Variants in OR8J1 observed in about 807,000 individuals in gnomAD.
The protein encoded by OR8J1 is olfactory receptor 8J1.
For synonymous variants in OR8J1, 157 were observed against 144.3 expected (o/e 1.09, Z -0.63); for missense variants, 400 against 373.0 (o/e 1.07, Z -0.60).
At chr11:56,355,019 C>A (rs1474819838) in intron 1 of OR8J1, among the ~76,000 whole-genome samples, 16 of 152,012 alleles carry the variant, frequency 1.1e-4, no homozygotes, top group African/African-American at 3.9e-4. Context: ...ACTATCCAAC[C>A]CTAGATTCCT....
Position 56,357,324 on chromosome 11 carries a change from G to A in OR8J1, c.-20-2903G>A, listed in dbSNP as rs548153025. 2.1e-3 allele frequency: 1,247 copies of A among 592,476 alleles called. 8 individuals are homozygous for A. Among genetic ancestry groups the A allele is most frequent in the Non-Finnish European group, 1.1e-3 (376 of 327,394 alleles). 36.7% of individuals were successfully genotyped at this position (592,476 alleles called of 1,614,324 possible). A position where few individuals can be genotyped will look rare whatever the true frequency, so the allele number is the denominator to read the frequency against. ...GATGCGGGCCTCTCTTCAGCAGGAC[G>A]GAGTTTGTTAAAGTTGTTAAGAGTA... On this transcript the variant is annotated intron_variant, in intron 1 of 1. Coordinates refer to ENST00000533152, the MANE Select transcript of OR8J1 (RefSeq NM_001005205.3).
chr11:56,354,814 A>T (rs894835333), intron 1 of OR8J1, among the ~76,000 whole-genome samples: 2 of 152,210 alleles, frequency 1.3e-5, no homozygotes, highest in African/African-American at 4.8e-5. Context: ...AAGCAAATAT[A>T]TATAGAAGCA....
In OR8J1 at chr11:56,360,657, T is replaced by C. The variant is rs769850980; in HGVS notation, c.411T>C (p.Ser137=). ...CTCTGCTGTACATGGTGGTGGTGTCTCGGCGGCTCTGCCTCCTGCTGGTCT... is the reference window on the plus strand; with the variant it reads ...CTCTGCTGTACATGGTGGTGGTGTCCCGGCGGCTCTGCCTCCTGCTGGTCT... ...CNPLLYMVVV[S]RRLCLLLVSL... Residue 137 remains serine, a synonymous_variant, in exon 2 of 2, where the codon TCT becomes TCC. Coordinates refer to ENST00000533152, the MANE Select transcript of OR8J1 (RefSeq NM_001005205.3). The C allele has an allele frequency of 6.2e-7, 1 of 1,611,342 alleles. No homozygotes were observed. The highest frequency in any genetic ancestry group is 2.2e-5 in the East Asian group (1 of 44,876).
chr11:56,356,676 G>A (rs1854972746), intron 1 of OR8J1, among the ~76,000 whole-genome samples: 1 of 152,136 alleles, frequency 6.6e-6, no homozygotes, highest in Non-Finnish European at 1.5e-5. Flanking sequence ...TGAAGAACAA[G>A]TTAGGAATTT....
rs1852621052 is a variant in OR8J1 at position 56,360,542 on chromosome 11, C to T, written c.296C>T (p.Thr99Ile). 1.2e-6 allele frequency: 2 copies of T among 1,613,984 alleles called. No individual in the cohort carries two copies. Among genetic ancestry groups the T allele is most frequent in the Non-Finnish European group, 1.7e-6 (2 of 1,180,028 alleles). ...ACTACCTCATTCTATGAATGTGCCA[C>T]CCAACTGGGAGGGTTCTTGTTCTTT... The part of the protein sequence containing the change: ...KKTTSFYECA[T>I]QLGGFLFFIV... The change falls in exon 2 of 2, where the codon ACC (threonine) becomes ATC (isoleucine). Residue 99 changes from threonine to isoleucine, a missense_variant. Transcript: ENST00000533152.
At chr11:56,358,059 T>A (rs2134913636) in intron 1 of OR8J1, 10 of 614,810 alleles carry the variant, frequency 1.6e-5, no homozygotes, top group South Asian at 1.5e-4. Context: ...AGAAAGCTCA[T>A]GCTGCTATAG....
chr11:56,360,678 G>A lies in OR8J1; in HGVS notation c.432G>A (p.Leu144=), dbSNP rs779033424. 51 of 1,611,678 alleles carry A rather than the reference G, an allele frequency of 3.2e-5. No homozygotes were observed. Among genetic ancestry groups the A allele is most frequent in the Non-Finnish European group, 4.2e-5 (49 of 1,179,230 alleles). The part of the protein sequence containing the change: ...VVVSRRLCLL[L]VSLTYLYGFS... ...TGTCTCGGCGGCTCTGCCTCCTGCT[G>A]GTCTCCCTCACATACCTCTATGGCT... Residue 144 remains leucine, a synonymous_variant, in exon 2 of 2, where the codon CTG becomes CTA. Coordinates refer to ENST00000533152, the MANE Select transcript of OR8J1 (RefSeq NM_001005205.3).
rs763005613 is a variant in OR8J1 at position 56,360,379 on chromosome 11, A to G, written c.133A>G (p.Ile45Val). Reference sequence around the variant, plus strand: ...GCTGACCATGGCAGGGAACCTGGGCATCATCACCCTCACCAGTGTTGACTC... The same window carrying G: ...GCTGACCATGGCAGGGAACCTGGGCGTCATCACCCTCACCAGTGTTGACTC... ...YGLTMAGNLG[I>V]ITLTSVDSRL... The change falls in exon 2 of 2, where the codon ATC (isoleucine) becomes GTC (valine). Residue 45 changes from isoleucine (I) to valine (V), a missense_variant. Transcript: ENST00000533152. 2.5e-6 allele frequency: 4 copies of G among 1,614,140 alleles called. No homozygotes were observed. The highest frequency in any genetic ancestry group is 3.3e-5 in the Admixed American group (2 of 60,008).
chr11:56,356,567 CAG>C (rs920775263), intron 1 of OR8J1, among the ~76,000 whole-genome samples: 2 of 151,980 alleles, frequency 1.3e-5, no homozygotes, highest in Non-Finnish European at 2.9e-5. Context: ...GGAGGGGACA[CAG>C]AAGCACAACT....
At chr11:56,358,223 C>A (rs1852584680) in intron 1 of OR8J1, 4 of 265,588 alleles carry the variant, frequency 1.5e-5, no homozygotes, top group Admixed American at 3.8e-5. Flanking sequence ...GAAAGCTAAA[C>A]CAAACAATTT....
At position 56,360,842 on chromosome 11, in the gene OR8J1, T is replaced by A; in HGVS notation, c.596T>A (p.Val199Asp). 6.6e-7 allele frequency: 1 copy of A among 1,521,326 alleles called. No homozygotes were observed. The highest frequency in any genetic ancestry group is 8.8e-7 in the Non-Finnish European group (1 of 1,140,758). 94.2% of individuals were successfully genotyped at this position (1,521,326 alleles called of 1,614,324 possible). A position where few individuals can be genotyped will look rare whatever the true frequency, so the allele number is the denominator to read the frequency against. ...CSDTYLPETV[V>D]FISAATNVVG... ...GATACTTACTTACCAGAAACAGTTGTCTTTATATCTGCAGCAACAAATGTG... is the reference window on the plus strand; with the variant it reads ...GATACTTACTTACCAGAAACAGTTGACTTTATATCTGCAGCAACAAATGTG... The change falls in exon 2 of 2, where the codon GTC (valine) becomes GAC (aspartate). Residue 199 changes from valine (V) to aspartate (D), a missense_variant. Physicochemically the swap from Val to Asp is radical, Grantham distance 152 (BLOSUM62 -3). Coordinates refer to ENST00000533152, the MANE Select transcript of OR8J1 (RefSeq NM_001005205.3).
At position 56,360,956 on chromosome 11, in the gene OR8J1, C is replaced by G. The variant is rs373924384; in HGVS notation, c.710C>G (p.Ala237Gly). ...KICSSEGRKK[A>G]FSTCASHMMA... ...TGTTCATCAGAAGGAAGGAAAAAAGCCTTTTCTACCTGTGCTTCACATATG... is the reference window on the plus strand; with the variant it reads ...TGTTCATCAGAAGGAAGGAAAAAAGGCTTTTCTACCTGTGCTTCACATATG... Residue 237 changes from alanine (A) to glycine (G), a missense_variant, in exon 2 of 2, where the codon GCC (alanine) becomes GGC (glycine). Transcript: ENST00000533152. 5.4e-6 allele frequency: 8 copies of G among 1,475,500 alleles called. No individual in the cohort carries two copies. The highest frequency in any genetic ancestry group is 2.4e-5 in the East Asian group (1 of 41,140). The allele number at this position is 1,475,500 out of a possible 1,614,324, so 91.4% of individuals were successfully genotyped here.
rs7938038 is a variant in OR8J1, at chr11:56,361,296, G to T, written c.*99G>T. The T allele has an allele frequency of 0.39, 167,188 of 433,334 alleles. 35,060 individuals carry two copies. Among genetic ancestry groups the T allele is most frequent in the East Asian group, 0.67 (18,874 of 28,350 alleles). The allele number at this position is 433,334 out of a possible 1,614,324, so 26.8% of individuals were successfully genotyped here. On this transcript the variant is annotated 3_prime_UTR_variant, in exon 2 of 2. Coordinates refer to ENST00000533152, the MANE Select transcript of OR8J1 (RefSeq NM_001005205.3). ...GAAAAGGTAGGTAGCCGAGTTACAG[G>T]TTCGTAAGCAATCATAAGAATTACA...
intron 1 of OR8J1, 79 bp downstream of exon 1, chr11:56,354,404 G>T (rs1202097348): frequency 6.6e-6 from 1 of 152,112 alleles, no homozygotes; most frequent in African/African-American, 2.4e-5. Flanking sequence ...CTTAAAATGA[G>T]CCAAGGTATG....
rs565330456 is a variant in OR8J1, at chr11:56,354,319, T to G, written c.-27T>G. ...TCTAAGAACCTGAAGCAGATTCTCC[T>G]CTAGAGGTGGGTGGAAAAGACTTAC... On this transcript the variant is annotated 5_prime_UTR_variant, in exon 1 of 2. Transcript: ENST00000533152. 1 of 152,264 alleles carries G rather than the reference T, an allele frequency of 6.6e-6. No individual in the cohort carries two copies. The highest frequency in any genetic ancestry group is 1.9e-4 in the East Asian group (1 of 5,184). The allele number at this position is 152,264 out of a possible 1,614,324, so 9.4% of individuals were successfully genotyped here. A position where few individuals can be genotyped will look rare whatever the true frequency, so the allele number is the denominator to read the frequency against.
At chr11:56,357,122 T>G (rs1266896117) in intron 1 of OR8J1, among the ~76,000 whole-genome samples, 1 of 152,192 alleles carries the variant, frequency 6.6e-6, no homozygotes. Context: ...ACTCATTTTT[T>G]GTGGTTATTT....
chr11:56,356,306 A>G (rs1854967397), intron 1 of OR8J1, among the ~76,000 whole-genome samples: 1 of 152,220 alleles, frequency 6.6e-6, no homozygotes, highest in Admixed American at 6.5e-5. Flanking sequence ...TAAAAGAGAA[A>G]ATCATAGGAT....
At chr11:56,355,146 T>A (rs1316741915) in intron 1 of OR8J1, among the ~76,000 whole-genome samples, 1 of 152,108 alleles carries the variant, frequency 6.6e-6, no homozygotes, top group African/African-American at 2.4e-5. Flanking sequence ...GTAAGTTTAC[T>A]TTCTTTTCAT....
chr11:56,357,893 T>TA (rs1854991276), intron 1 of OR8J1: 1 of 866,162 alleles, frequency 1.2e-6, no homozygotes, highest in Non-Finnish European at 1.9e-6. Flanking sequence ...GCAAGGGATT[T>TA]AATGCAGAAG....
Sources: gnomAD v4.1 joint callset for allele counts (sites outside exome capture counted in the v4.1 genomes callset) on GRCh38, gnomAD v4.1.1 for gene constraint, MANE v1.5 for transcripts, NCBI Gene and HGNC (gene_info 2026-07-23, HGNC 2026-07-21) for gene names.